ARMH3: variants seen among roughly 807,000 people sequenced by gnomAD.
ARMH3 encodes the protein armadillo like helical domain containing 3.
In ARMH3, 60 loss-of-function variants were observed where a neutral mutation model predicts 99.1. The ratio of observed to expected loss-of-function variants is 0.61; its 90% CI spans 0.49 to 0.75. The LOEUF is 0.75. Among genes scored for constraint, ARMH3 ranks in the 30% least tolerant of loss-of-function variants. The pLI is 0.00. For synonymous variants in ARMH3, 285 were observed against 292.8 expected, an observed-to-expected ratio of 0.97 and a Z score of 0.27; for missense variants, 679 against 843.1, an observed-to-expected ratio of 0.81 and a Z score of 2.41.
At position 101,881,997 on chromosome 10, in the gene ARMH3, C is replaced by A. The variant is rs149514116; in HGVS notation, c.1860+7415G>T. On this transcript the variant is annotated intron_variant, in intron 24 of 25. Transcript: ENST00000370033. ...CTAACAGAATAGATCCACTGGTAAG[C>A]TAACAATAACAAGTTGCCTTAAACC... Among the ~76,000 whole-genome samples, 150 of 152,256 alleles carry A rather than the reference C, an allele frequency of 9.9e-4. 1 individual carries two copies. Among genetic ancestry groups the A allele is most frequent in the African/African-American group, 3.5e-3 (146 of 41,550 alleles).
intron 13 of ARMH3, 113 bp downstream of exon 13, chr10:102,009,261 C>A: frequency 2.2e-6 from 2 of 929,522 alleles, no homozygotes; most frequent in African/African-American, 1.6e-5. Flanking sequence ...GTTACTACCA[C>A]TTACCAATGC....
chr10:101,990,132 C>A (rs1308676207), intron 19 of ARMH3, among the ~76,000 whole-genome samples: 1 of 151,928 alleles, frequency 6.6e-6, no homozygotes, highest in East Asian at 1.9e-4. Context: ...AACACTTCTC[C>A]ACATGCAAAT....
At chr10:101,878,235 G>A (rs1216709230) in intron 24 of ARMH3, among the ~76,000 whole-genome samples, 1 of 152,176 alleles carries the variant, frequency 6.6e-6, no homozygotes, top group Non-Finnish European at 1.5e-5. Flanking sequence ...TCTGGCCTGG[G>A]CGACAGAGAG....
chr10:101,846,831 G>C lies in ARMH3; in HGVS notation c.*697C>G, dbSNP rs1004241026. Reference sequence around the variant, plus strand: ...AAAAAATTAGCCGGGCGTGGCACACGCTCCTGTAGTCCCAGCTACTCGGGA... The same window carrying C: ...AAAAAATTAGCCGGGCGTGGCACACCCTCCTGTAGTCCCAGCTACTCGGGA... On this transcript the variant is annotated 3_prime_UTR_variant, in exon 26 of 26. Coordinates refer to ENST00000370033, the MANE Select transcript of ARMH3 (RefSeq NM_024541.3). The C allele has an allele frequency of 6.6e-6, 1 of 152,332 alleles. No individual in the cohort carries two copies. The highest frequency in any genetic ancestry group is 2.4e-5 in the African/African-American group (1 of 41,428). The allele number at this position is 152,332 out of a possible 1,614,324, so 9.4% of individuals were successfully genotyped here.
intron 24 of ARMH3, among the ~76,000 whole-genome samples, chr10:101,853,343 C>T (rs187243820): frequency 6.6e-6 from 1 of 152,272 alleles, no homozygotes; most frequent in East Asian, 1.9e-4. Context: ...AGGCCTGGGC[C>T]CCAACCCATC....
chr10:101,925,787 G>A (rs1448176777), intron 23 of ARMH3, among the ~76,000 whole-genome samples: 1 of 152,164 alleles, frequency 6.6e-6, no homozygotes, highest in Non-Finnish European at 1.5e-5. Context: ...GCAGGTGCCT[G>A]TAATCCCGGC....
chr10:102,010,082 G>GC, intron 11 of ARMH3, 59 bp from the exon 12 acceptor site: 1 of 1,503,002 alleles, frequency 6.7e-7, no homozygotes, highest in Non-Finnish European at 9.2e-7. Flanking sequence ...GGAGCTTTAT[G>GC]CCTAGGAAGC....
Position 101,992,814 on chromosome 10 carries a change from T to C in ARMH3, c.1275+724A>G, listed in dbSNP as rs527743842. On this transcript the variant is annotated intron_variant, in intron 17 of 25. Transcript: ENST00000370033. ...GCCCTCAATGTGATATTTTTTAACA[T>C]ACCTCCAAGCTTTAAGAAATTCCCT... 2.6e-5 allele frequency among the ~76,000 whole-genome samples: 4 copies of C among 152,096 alleles called. No homozygotes were observed. The South Asian group carries it at 8.3e-4, about 32-fold the overall frequency.
chr10:102,041,090 A>AATATATATATATAT (rs59124276), intron 1 of ARMH3, among the ~76,000 whole-genome samples: 9 of 132,568 alleles, frequency 6.8e-5, no homozygotes, highest in Admixed American at 2.3e-4. Flanking sequence ...ATATATATAT[A>AATATATATATATAT]ATATATATAT....
intron 4 of ARMH3, among the ~76,000 whole-genome samples, chr10:102,032,487 G>A (rs2067154336): frequency 6.6e-6 from 1 of 152,046 alleles, no homozygotes. Flanking sequence ...TGCAACCTCC[G>A]CCTCCCGAGT....
chr10:101,911,898 T>C (rs1266335814), intron 23 of ARMH3, among the ~76,000 whole-genome samples: 1 of 150,890 alleles, frequency 6.6e-6, no homozygotes, highest in Non-Finnish European at 1.5e-5. Context: ...TACCTGGGAG[T>C]GGTGGGCGCC....
At chr10:102,020,351 G>C (rs181355630) in intron 8 of ARMH3, among the ~76,000 whole-genome samples, 1 of 152,040 alleles carries the variant, frequency 6.6e-6, no homozygotes, top group Admixed American at 6.6e-5. Flanking sequence ...GGCCAACATG[G>C]TAAAACCCTG....
intron 23 of ARMH3, among the ~76,000 whole-genome samples, chr10:101,897,927 G>C (rs2067878482): frequency 6.6e-6 from 1 of 152,180 alleles, no homozygotes; most frequent in Non-Finnish European, 1.5e-5. Context: ...GGATTTCTTG[G>C]TCCATTGTAA....
intron 8 of ARMH3, among the ~76,000 whole-genome samples, chr10:102,014,672 C>T (rs1458800876): frequency 6.6e-6 from 1 of 152,152 alleles, no homozygotes; most frequent in African/African-American, 2.4e-5. Context: ...ACAATCTGGT[C>T]AGGACACTGG....
intron 24 of ARMH3, among the ~76,000 whole-genome samples, chr10:101,853,460 A>G (rs1188755704): frequency 6.6e-6 from 1 of 152,214 alleles, no homozygotes; most frequent in Non-Finnish European, 1.5e-5. Flanking sequence ...GGCCTGGGAC[A>G]TGGTGAGGGC....
intron 22 of ARMH3, among the ~76,000 whole-genome samples, chr10:101,944,322 A>AGG: frequency 8.1e-6 from 1 of 123,962 alleles, no homozygotes; most frequent in Admixed American, 8.1e-5. Context: ...AGAGAGAGAG[A>AGG]GAGAGAGTCC....
At chr10:102,031,726 C>T (rs1302970801) in intron 4 of ARMH3, among the ~76,000 whole-genome samples, 2 of 152,116 alleles carry the variant, frequency 1.3e-5, no homozygotes, top group Non-Finnish European at 2.9e-5. Context: ...ATTATGTATC[C>T]TATCATGGAT....
chr10:101,849,786 A>T lies in ARMH3; in HGVS notation c.1967T>A (p.Phe656Tyr), dbSNP rs1398894664. The T allele has an allele frequency of 5.6e-6, 9 of 1,613,844 alleles. No individual in the cohort carries two copies. The highest frequency in any genetic ancestry group is 6.8e-6 in the Non-Finnish European group (8 of 1,179,906). The change falls in exon 25 of 26, where the codon TTC (phenylalanine) becomes TAC (tyrosine). Residue 656 changes from phenylalanine (F) to tyrosine (Y), a missense_variant. By Grantham distance (22) the Phe-to-Tyr change is conservative (BLOSUM62 3). Coordinates refer to ENST00000370033, the MANE Select transcript of ARMH3 (RefSeq NM_024541.3). ...CGGTGGGGCACTCACCAGCTCTTTGAAGAAGGCAGCTTCCTTGTGCTGCTC... is the reference window on the plus strand; with the variant it reads ...CGGTGGGGCACTCACCAGCTCTTTGTAGAAGGCAGCTTCCTTGTGCTGCTC... ...YSEQHKEAAF[F>Y]KELVRSISTN...
In ARMH3 at chr10:102,033,341, T is replaced by G. The variant is rs1590212784; in HGVS notation, c.103-2A>C. ...ACTGCACTTACTGGGGTCCTCTGTC[T>G]GAAACCAGAATATAAGCACATTCAG... On this transcript the variant is annotated splice_acceptor_variant, in intron 2 of 25. Coordinates refer to ENST00000370033, the MANE Select transcript of ARMH3 (RefSeq NM_024541.3). LOFTEE classifies it high-confidence loss of function. 6.2e-7 allele frequency: 1 copy of G among 1,613,786 alleles called. No individual in the cohort carries two copies. Among genetic ancestry groups the G allele is most frequent in the South Asian group, 1.1e-5 (1 of 91,064 alleles).
Sources: allele counts gnomAD v4.1 joint callset (sites outside exome capture counted in the v4.1 genomes callset), GRCh38; gene constraint gnomAD v4.1.1; transcripts MANE v1.5; gene names NCBI Gene and HGNC (gene_info 2026-07-23, HGNC 2026-07-21).